Variants in SMIM19 observed in about 807,000 individuals in gnomAD.
SMIM19 encodes small integral membrane protein 19.
In SMIM19, 6 loss-of-function variants were observed where a neutral mutation model predicts 13.2. That is an observed-to-expected ratio of 0.45 (90% confidence interval 0.25 to 0.90). The LOEUF is 0.90. Ranked by LOEUF, SMIM19 falls within the 40% of genes least tolerant of loss-of-function variation. The pLI is 0.19. For missense variants in SMIM19, 138 were observed against 131.0 expected (o/e 1.05, Z -0.26); for synonymous variants, 46 against 43.1 (o/e 1.07, Z -0.27).
chr8:42,543,017 G>C (rs996865852), intron 1 of SMIM19, among the ~76,000 whole-genome samples: 2 of 149,276 alleles, frequency 1.3e-5, no homozygotes, highest in Non-Finnish European at 3.0e-5. Flanking sequence ...CATCCTAAAA[G>C]TTTGTCAATC....
Position 42,548,782 on chromosome 8 carries a change from T to C in SMIM19, c.259+2T>C. 1 of 1,613,184 alleles carries C rather than the reference T, an allele frequency of 6.2e-7. No individual in the cohort carries two copies. The highest frequency in any genetic ancestry group is 8.5e-7 in the Non-Finnish European group (1 of 1,179,580). The stretch of plus-strand genomic sequence containing the variant: ...AACAACTGGAAATGTATTCCATTTG[T>C]AAGTATATTCTGTGCTGAAAGATAC... On this transcript the variant is annotated splice_donor_variant, in intron 3 of 3. Transcript: ENST00000417410. LOFTEE classifies it high-confidence loss of function.
chr8:42,544,532 AG>A (rs1813414415), intron 1 of SMIM19, among the ~76,000 whole-genome samples: 1 of 144,690 alleles, frequency 6.9e-6, no homozygotes, highest in Non-Finnish European at 1.5e-5. Context: ...AACAATATTT[AG>A]ATAGTGCATC....
intron 3 of SMIM19, among the ~76,000 whole-genome samples, chr8:42,549,800 A>T (rs949266139): frequency 2.0e-5 from 3 of 152,186 alleles, no homozygotes; most frequent in African/African-American, 7.2e-5. Flanking sequence ...TAAAAAAAAA[A>T]GTACAGAGCC....
chr8:42,545,704 G>C (rs1813455132), intron 1 of SMIM19, among the ~76,000 whole-genome samples: 1 of 152,092 alleles, frequency 6.6e-6, no homozygotes, highest in Admixed American at 6.6e-5. Flanking sequence ...CTAATTTTTT[G>C]TATTTTTAGA....
intron 3 of SMIM19, among the ~76,000 whole-genome samples, 182 bp downstream of exon 3, chr8:42,548,962 G>C (rs931187185): frequency 6.6e-6 from 1 of 152,086 alleles, no homozygotes; most frequent in African/African-American, 2.4e-5. Context: ...TATACCATTT[G>C]CATGTGTTAC....
chr8:42,546,665 A>C, intron 2 of SMIM19, 59 bp downstream of exon 2: 1 of 1,572,242 alleles, frequency 6.4e-7, no homozygotes, highest in Non-Finnish European at 8.6e-7. Flanking sequence ...TTGCTAGTTT[A>C]AGAAATATGA....
At position 42,546,523 on chromosome 8, in the gene SMIM19, T is replaced by C. The variant is rs959031564; in HGVS notation, c.51T>C (p.Thr17=). ...VMGDDGSIDY[T]VHEAWNEATN... is the part of the protein sequence containing the mutation. ...GTGACGATGGTTCTATTGATTATAC[T>C]GTTCACGAAGCCTGGAATGAAGCCA... The change falls in exon 2 of 4, where the codon ACT becomes ACC. Residue 17 remains threonine, a synonymous_variant. Transcript: ENST00000417410. The C allele has an allele frequency of 5.6e-6, 9 of 1,614,112 alleles. No homozygotes were observed. The highest frequency in any genetic ancestry group is 1.7e-5 in the Admixed American group (1 of 60,006).
intron 1 of SMIM19, among the ~76,000 whole-genome samples, chr8:42,545,363 C>G (rs1034584305): frequency 1.3e-5 from 2 of 152,274 alleles, no homozygotes; most frequent in Middle Eastern, 3.4e-3. Flanking sequence ...TCTTTTCATC[C>G]CATAGCTTCT....
chr8:42,552,495 A>G, intron 3 of SMIM19, 49 bp from the exon 4 acceptor site: 1 of 1,567,460 alleles, frequency 6.4e-7, no homozygotes, highest in South Asian at 1.1e-5. Context: ...AGTAGTAATC[A>G]TTTTGCAGTT....
intron 3 of SMIM19, 147 bp from the exon 4 acceptor site, chr8:42,552,397 A>T: frequency 1.3e-6 from 1 of 798,422 alleles, no homozygotes; most frequent in South Asian, 1.8e-5. Flanking sequence ...CAGCCTGGGT[A>T]TCAGAGGGAG....
At chr8:42,549,034 G>A (rs2923446) in intron 3 of SMIM19, among the ~76,000 whole-genome samples, 82,718 of 152,032 alleles carry the variant, frequency 0.54, 22,865 homozygotes, top group Middle Eastern at 0.64. Context: ...ATAGCCAAAA[G>A]GTGGAAATCA....
chr8:42,546,788 T>G (rs914803176), intron 2 of SMIM19, among the ~76,000 whole-genome samples, 182 bp downstream of exon 2: 1 of 151,068 alleles, frequency 6.6e-6, no homozygotes, highest in Non-Finnish European at 1.5e-5. Context: ...ATTGAGACCA[T>G]CCTGGCCAAC....
rs570400399 is a variant in SMIM19 at position 42,553,221 on chromosome 8, A to T, written c.*613A>T. On this transcript the variant is annotated 3_prime_UTR_variant, in exon 4 of 4. Coordinates refer to ENST00000417410, the MANE Select transcript of SMIM19 (RefSeq NM_001135674.2). ...AATTAATGATCTTTGCTTCTTCAGA[A>T]CTTGTATGGTAGACCGTCTTTTCTA... 1 of 152,260 alleles carries T rather than the reference A, an allele frequency of 6.6e-6. No homozygotes were observed. Among genetic ancestry groups the T allele is most frequent in the Non-Finnish European group, 1.5e-5 (1 of 68,034 alleles). 9.4% of individuals were successfully genotyped at this position (152,260 alleles called of 1,614,324 possible).
At position 42,548,700 on chromosome 8, in the gene SMIM19, A is replaced by G. The variant is rs1813567916; in HGVS notation, c.179A>G (p.Glu60Gly). Reference protein sequence around the residue: ...IMRIFSVPPTEETLSEPNFYD... With the variant: ...IMRIFSVPPTGETLSEPNFYD... The stretch of plus-strand genomic sequence containing the variant: ...AGGATATTCAGTGTGCCACCTACAG[A>G]GGAAACTTTGTCAGAGCCCAACTTT... Residue 60 changes from glutamate to glycine, a missense_variant, in exon 3 of 4, where the codon GAG (glutamate) becomes GGG (glycine). Transcript: ENST00000417410. The G allele has an allele frequency of 6.2e-7, 1 of 1,613,980 alleles. No individual in the cohort carries two copies. Among genetic ancestry groups the G allele is most frequent in the East Asian group, 2.2e-5 (1 of 44,838 alleles).
At chr8:42,547,356 C>CAAA (rs35948113) in intron 2 of SMIM19, among the ~76,000 whole-genome samples, 2 of 144,550 alleles carry the variant, frequency 1.4e-5, no homozygotes, top group African/African-American at 2.6e-5. Flanking sequence ...GACTCCATCT[C>CAAA]AAAAAAAAAA....
rs1220356364 is a variant in SMIM19 at position 42,541,853 on chromosome 8, C to G, written c.-525C>G. The G allele has an allele frequency of 6.6e-6, 1 of 151,676 alleles. No homozygotes were observed. The highest frequency in any genetic ancestry group is 2.4e-5 in the African/African-American group (1 of 41,370). The allele number at this position is 151,676 out of a possible 1,614,324, so 9.4% of individuals were successfully genotyped here. A position where few individuals can be genotyped will look rare whatever the true frequency, so the allele number is the denominator to read the frequency against. ...CGGTCCCGTGCGGTCCCCGAAACTC[C>G]GAGCACCCGCCCGGTCCCGGCGCGG... On this transcript the variant is annotated 5_prime_UTR_variant, in exon 1 of 4. Coordinates refer to ENST00000417410, the MANE Select transcript of SMIM19 (RefSeq NM_001135674.2).
intron 3 of SMIM19, among the ~76,000 whole-genome samples, chr8:42,552,189 C>T (rs2131499802): frequency 6.6e-6 from 1 of 151,988 alleles, no homozygotes; most frequent in African/African-American, 2.4e-5. Context: ...GAGGCCAAAG[C>T]AAGAGGATCA....
chr8:42,549,863 G>A (rs1298155547), intron 3 of SMIM19, among the ~76,000 whole-genome samples: 2 of 152,082 alleles, frequency 1.3e-5, no homozygotes, highest in African/African-American at 2.4e-5. Context: ...TTGGGAGTCT[G>A]AGACAGGTGG....
At chr8:42,546,341 C>A in intron 1 of SMIM19, 128 bp from the exon 2 acceptor site, 1 of 1,076,334 alleles carries the variant, frequency 9.3e-7, no homozygotes, top group Non-Finnish European at 1.2e-6. Flanking sequence ...CCATTCTTGG[C>A]TCATGGGCCG....
Sources: gnomAD v4.1 joint callset for allele counts (sites outside exome capture counted in the v4.1 genomes callset) on GRCh38, gnomAD v4.1.1 for gene constraint, MANE v1.5 for transcripts, NCBI Gene and HGNC (gene_info 2026-07-23, HGNC 2026-07-21) for gene names.